The following NRG3 variants were observed in gnomAD, a reference collection of about 807,000 sequenced individuals.
NRG3 encodes the protein pro-neuregulin-3, membrane-bound isoform.
Under a neutral mutation model 66.9 loss-of-function variants are expected in NRG3, and 31 were observed. That is an observed-to-expected ratio of 0.46 (90% CI 0.35 to 0.63). The LOEUF (loss-of-function observed/expected upper bound fraction) is 0.63. Among genes scored for constraint, NRG3 ranks in the 20% least tolerant of loss-of-function variants. The probability of loss-of-function intolerance (pLI) is 0.00; values close to 1 mark genes in which losing one functional copy is unlikely to be tolerated. For missense variants in NRG3, 910 were observed against 878.9 expected, an observed-to-expected ratio of 1.04 and a Z score of -0.45; for synonymous variants, 393 against 359.4, an observed-to-expected ratio of 1.09 and a Z score of -1.06.
chr10:82,690,276 CT>C (rs10609013), intron 2 of NRG3, among the ~76,000 whole-genome samples: 9,843 of 146,504 alleles, frequency 0.067, 601 homozygotes, highest in African/African-American at 0.16. Flanking sequence ...GAATTGGCCA[CT>C]TTTTTTTTTT....
chr10:81,932,228 T>C (rs999209304), intron 1 of NRG3, among the ~76,000 whole-genome samples: 5 of 104,738 alleles, frequency 4.8e-5, no homozygotes, highest in African/African-American at 1.8e-4. Flanking sequence ...GAGAGAGAGA[T>C]TGAGAGAGAG....
chr10:82,144,856 G>C (rs1380284832), intron 1 of NRG3, among the ~76,000 whole-genome samples: 1 of 152,220 alleles, frequency 6.6e-6, no homozygotes, highest in Admixed American at 6.5e-5. Context: ...ATGAACTGAA[G>C]ATCAGTTGTA....
intron 1 of NRG3, among the ~76,000 whole-genome samples, chr10:82,073,337 CT>C (rs1161914518): frequency 6.6e-6 from 1 of 152,128 alleles, no homozygotes; most frequent in South Asian, 2.1e-4. Context: ...CAAGGAAGGA[CT>C]CCTGTCATTT....
At position 82,944,145 on chromosome 10, in the gene NRG3, C is replaced by T. The variant is rs1848802556; in HGVS notation, c.1055-7324C>T. On this transcript the variant is annotated intron_variant, in intron 4 of 8. Transcript: ENST00000372141. ...CTGGGTCTATAAATTCACTTGTAGT[C>T]TTTGTAGTTTTAATTTCACTCTTGA... is the stretch of plus-strand genomic sequence containing the variant. Among the ~76,000 whole-genome samples, 3 of 152,202 alleles carry T rather than the reference C, an allele frequency of 2.0e-5. No individual in the cohort carries two copies. The South Asian group carries it at 6.2e-4, about 32-fold the overall frequency.
At chr10:82,232,679 A>C (rs1357758042) in intron 1 of NRG3, 7 of 706,848 alleles carry the variant, frequency 9.9e-6, no homozygotes, top group Non-Finnish European at 1.8e-5. Flanking sequence ...ACAATCGGCC[A>C]GATGGGGCTA....
At chr10:82,418,407 A>C (rs2136214642) in intron 2 of NRG3, among the ~76,000 whole-genome samples, 1 of 152,332 alleles carries the variant, frequency 6.6e-6, no homozygotes, top group South Asian at 2.1e-4. Context: ...TGTTTATGCA[A>C]ATTAACCAGT....
At chr10:82,251,025 G>T (rs1470764328) in intron 1 of NRG3, among the ~76,000 whole-genome samples, 1 of 152,214 alleles carries the variant, frequency 6.6e-6, no homozygotes, top group Non-Finnish European at 1.5e-5. Flanking sequence ...CATAAAAATT[G>T]AGAGACTTTA....
At chr10:82,413,968 A>T (rs374153579) in intron 2 of NRG3, among the ~76,000 whole-genome samples, 52 of 152,198 alleles carry the variant, frequency 3.4e-4, no homozygotes, top group African/African-American at 1.2e-3. Context: ...CAGACCACTA[A>T]AACTTTCTCC....
chr10:82,898,577 G>A (rs1400878339), intron 4 of NRG3, among the ~76,000 whole-genome samples: 1 of 152,182 alleles, frequency 6.6e-6, no homozygotes, highest in Non-Finnish European at 1.5e-5. Context: ...ATACACATTT[G>A]CATGATGCTC....
intron 1 of NRG3, among the ~76,000 whole-genome samples, chr10:81,989,742 G>A (rs1004212945): frequency 6.6e-6 from 1 of 152,134 alleles, no homozygotes; most frequent in Non-Finnish European, 1.5e-5. Flanking sequence ...ACTGCTGTGA[G>A]GCTGAGTAGA....
intron 2 of NRG3, among the ~76,000 whole-genome samples, chr10:82,415,498 G>A (rs760337490): frequency 6.6e-6 from 1 of 152,088 alleles, no homozygotes; most frequent in Non-Finnish European, 1.5e-5. Context: ...AAATTATTAG[G>A]CAATTTAGAA....
intron 2 of NRG3, among the ~76,000 whole-genome samples, chr10:82,405,889 T>G (rs1006005179): frequency 1.3e-5 from 2 of 152,222 alleles, no homozygotes; most frequent in African/African-American, 4.8e-5. Flanking sequence ...TCTCTCAGAT[T>G]TGAATTGATT....
chr10:82,559,279 T>G (rs1310159189), intron 2 of NRG3, among the ~76,000 whole-genome samples: 1 of 152,116 alleles, frequency 6.6e-6, no homozygotes, highest in Non-Finnish European at 1.5e-5. Flanking sequence ...AAAGATGTAT[T>G]TAGGGAATTA....
At chr10:81,962,289 T>G (rs905274520) in intron 1 of NRG3, among the ~76,000 whole-genome samples, 1 of 152,324 alleles carries the variant, frequency 6.6e-6, no homozygotes, top group East Asian at 1.9e-4. Context: ...AATATCACAC[T>G]GGGCCTGCCA....
chr10:82,386,169 G>A (rs904673982), intron 2 of NRG3, among the ~76,000 whole-genome samples: 2 of 152,002 alleles, frequency 1.3e-5, no homozygotes, highest in East Asian at 1.9e-4. Flanking sequence ...ATTTTTAAAA[G>A]GCCATACATA....
chr10:82,408,104 AAAGAAAG>A (rs1293803873), intron 2 of NRG3, among the ~76,000 whole-genome samples: 2 of 137,834 alleles, frequency 1.5e-5, no homozygotes, highest in African/African-American at 5.7e-5. Flanking sequence ...AGAAAGAAAG[AAAGAAAG>A]AAAGAAAGAA....
chr10:82,620,698 A>G (rs887318166), intron 2 of NRG3, among the ~76,000 whole-genome samples: 5 of 152,180 alleles, frequency 3.3e-5, no homozygotes, highest in African/African-American at 1.2e-4. Flanking sequence ...ATGGGCAAAC[A>G]GGGATAGAAG....
chr10:82,242,087 T>A (rs1430238147), intron 1 of NRG3, among the ~76,000 whole-genome samples: 2 of 152,166 alleles, frequency 1.3e-5, no homozygotes, highest in East Asian at 3.8e-4. Context: ...AACATTTATA[T>A]AGTGAATGAT....
intron 1 of NRG3, among the ~76,000 whole-genome samples, chr10:82,024,145 G>A (rs988725875): frequency 6.6e-6 from 1 of 151,668 alleles, no homozygotes; most frequent in African/African-American, 2.4e-5. Context: ...GCTTATGGTT[G>A]TTCAGAATAT....
Sources: allele counts gnomAD v4.1 joint callset (sites outside exome capture counted in the v4.1 genomes callset), GRCh38; gene constraint gnomAD v4.1.1; transcripts MANE v1.5; gene names NCBI Gene and HGNC (gene_info 2026-07-23, HGNC 2026-07-21).